CAMTA1: variants seen among roughly 807,000 people sequenced by gnomAD.
CAMTA1 encodes calmodulin binding transcription activator 1.
In CAMTA1, 27 loss-of-function variants were observed where a neutral mutation model predicts 170.9. That is an observed-to-expected ratio of 0.16 (90% CI 0.12 to 0.22). CAMTA1 has a LOEUF of 0.22. Among genes scored for constraint, CAMTA1 ranks in the 10% least tolerant of loss-of-function variants. CAMTA1 has a pLI of 1.00. For synonymous variants in CAMTA1, 833 were observed against 891.5 expected (o/e 0.93, Z 1.17); for missense variants, 1,619 against 2,217.2 (o/e 0.73, Z 5.42).
At chr1:6,886,576 C>T (rs545130434) in intron 3 of CAMTA1, among the ~76,000 whole-genome samples, 1 of 152,152 alleles carries the variant, frequency 6.6e-6, no homozygotes, top group African/African-American at 2.4e-5. Context: ...GGCCTGAAGG[C>T]GATGTTTTAC....
intron 6 of CAMTA1, among the ~76,000 whole-genome samples, chr1:7,600,974 G>A (rs55877807): frequency 0.18 from 27,653 of 149,962 alleles, 3,425 homozygotes; most frequent in African/African-American, 0.34. Flanking sequence ...TGTCATCATG[G>A]CCCGTTCTCA....
intron 6 of CAMTA1, among the ~76,000 whole-genome samples, chr1:7,596,121 A>G (rs576171717): frequency 3.9e-5 from 6 of 152,320 alleles, no homozygotes; most frequent in Admixed American, 1.3e-4. Context: ...GCAATAAGTG[A>G]CAAGGCTTGG....
At chr1:7,386,494 C>T (rs569618601) in intron 5 of CAMTA1, among the ~76,000 whole-genome samples, 301 of 152,308 alleles carry the variant, frequency 2.0e-3, no homozygotes, top group Non-Finnish European at 3.4e-3. Flanking sequence ...TCAGCCTGCT[C>T]GGTGGAGCAT....
At chr1:7,037,036 T>C (rs1335867267) in intron 3 of CAMTA1, among the ~76,000 whole-genome samples, 1 of 152,216 alleles carries the variant, frequency 6.6e-6, no homozygotes, top group African/African-American at 2.4e-5. Context: ...ATGTCTTAGA[T>C]AGTAAAACAA....
chr1:7,677,076 G>C (rs2096128895), intron 10 of CAMTA1, among the ~76,000 whole-genome samples: 1 of 152,138 alleles, frequency 6.6e-6, no homozygotes, highest in Non-Finnish European at 1.5e-5. Context: ...GGGTAACAGA[G>C]GCACATCTGA....
intron 5 of CAMTA1, among the ~76,000 whole-genome samples, chr1:7,261,524 C>T (rs1668167722): frequency 6.6e-6 from 1 of 152,160 alleles, no homozygotes; most frequent in Admixed American, 6.5e-5. Flanking sequence ...GAATGTTACC[C>T]TGAACCAATT....
At chr1:7,338,709 G>A (rs911528437) in intron 5 of CAMTA1, among the ~76,000 whole-genome samples, 1 of 152,224 alleles carries the variant, frequency 6.6e-6, no homozygotes, top group African/African-American at 2.4e-5. Flanking sequence ...AACTACAGTG[G>A]GGAAGGTGCC....
At chr1:7,244,255 G>C (rs1022298282) in intron 4 of CAMTA1, among the ~76,000 whole-genome samples, 1 of 152,212 alleles carries the variant, frequency 6.6e-6, no homozygotes, top group Non-Finnish European at 1.5e-5. Context: ...GTGCTGGAGA[G>C]GATGTGGAGA....
intron 4 of CAMTA1, among the ~76,000 whole-genome samples, chr1:7,191,918 C>G (rs1019427109): frequency 1.4e-4 from 22 of 152,110 alleles, no homozygotes; most frequent in Non-Finnish European, 2.9e-5. Context: ...TTTTGAGAAC[C>G]CTGGGAACTC....
intron 5 of CAMTA1, among the ~76,000 whole-genome samples, chr1:7,301,720 CG>C (rs1390344118): frequency 6.6e-6 from 1 of 152,174 alleles, no homozygotes; most frequent in East Asian, 1.9e-4. Context: ...CGCCCAGGTC[CG>C]GGGTGCTCCT....
chr1:7,738,436 A>T lies in CAMTA1; in HGVS notation c.4136A>T (p.Asp1379Val). 6.2e-7 allele frequency: 1 copy of T among 1,614,164 alleles called. No homozygotes were observed. Among genetic ancestry groups the T allele is most frequent in the Non-Finnish European group, 8.5e-7 (1 of 1,180,010 alleles). ...AATACAGAGCTGGGGTCCTACCGTGATAGTGCAGAAAATGAAGAATGCGGC... is the reference window on the plus strand; with the variant it reads ...AATACAGAGCTGGGGTCCTACCGTGTTAGTGCAGAAAATGAAGAATGCGGC... ...VVNTELGSYR[D>V]SAENEECGQP... Residue 1379 changes from aspartate (D) to valine (V), a missense_variant, in exon 16 of 23, where the codon GAT becomes GTT. Around this residue, in one of 8 missense-constraint regions of CAMTA1, gnomAD observed 370 missense variants for 429.4 expected, o/e 0.86. Transcript: ENST00000303635. The surrounding 1 kb of genome is among the most constrained non-coding windows in gnomAD (Gnocchi z 4.9).
At chr1:7,607,399 G>GTGGATGGATGGA (rs146308752) in intron 6 of CAMTA1, among the ~76,000 whole-genome samples, 277 of 144,316 alleles carry the variant, frequency 1.9e-3, no homozygotes, top group African/African-American at 5.8e-3. Context: ...AGGTGGACTG[G>GTGGATGGATGGA]TGGATGGATG....
At chr1:7,132,306 T>C (rs1446545737) in intron 4 of CAMTA1, among the ~76,000 whole-genome samples, 1 of 151,954 alleles carries the variant, frequency 6.6e-6, no homozygotes, top group East Asian at 1.9e-4. Context: ...AGAGTCTTGT[T>C]CTCTTGCCCA....
intron 6 of CAMTA1, among the ~76,000 whole-genome samples, chr1:7,530,133 C>G (rs1165451260): frequency 2.6e-5 from 4 of 152,184 alleles, no homozygotes; most frequent in Non-Finnish European, 5.9e-5. Flanking sequence ...CTGCCCAGAC[C>G]CCTCTGCCCA....
chr1:6,932,636 C>T (rs1684605746), intron 3 of CAMTA1, among the ~76,000 whole-genome samples: 1 of 152,208 alleles, frequency 6.6e-6, no homozygotes, highest in Non-Finnish European at 1.5e-5. Flanking sequence ...TCCAGTTTCT[C>T]TACATCCGCG....
intron 3 of CAMTA1, among the ~76,000 whole-genome samples, chr1:6,951,393 A>C (rs572098140): frequency 2.0e-5 from 3 of 152,324 alleles, no homozygotes; most frequent in Admixed American, 6.5e-5. Context: ...ACTATTCCAT[A>C]TCTCACAGGG....
intron 3 of CAMTA1, among the ~76,000 whole-genome samples, chr1:6,978,406 G>T (rs1345490861): frequency 6.6e-6 from 1 of 152,074 alleles, no homozygotes; most frequent in Non-Finnish European, 1.5e-5. Flanking sequence ...GGTTGAGGTG[G>T]GTGGATCACC....
At chr1:7,391,605 A>G (rs1006697542) in intron 5 of CAMTA1, among the ~76,000 whole-genome samples, 1 of 152,116 alleles carries the variant, frequency 6.6e-6, no homozygotes, top group African/African-American at 2.4e-5. Flanking sequence ...CACCACCACA[A>G]TCAATATGGA....
chr1:7,068,539 C>T (rs1042863579), intron 3 of CAMTA1, among the ~76,000 whole-genome samples: 1 of 152,068 alleles, frequency 6.6e-6, no homozygotes, highest in Non-Finnish European at 1.5e-5. Flanking sequence ...TGGGGATGAA[C>T]GTGCCCTGTG....
Sources: allele counts gnomAD v4.1 joint callset (sites outside exome capture counted in the v4.1 genomes callset), GRCh38; gene constraint gnomAD v4.1.1; regional missense constraint gnomAD v4.1.1; non-coding constraint Gnocchi (gnomAD v3.1); transcripts MANE v1.5; gene names NCBI Gene and HGNC (gene_info 2026-07-23, HGNC 2026-07-21).